PSMB7: variants seen among roughly 807,000 people sequenced by gnomAD.
The protein encoded by PSMB7 is proteasome subunit beta type-7.
PSMB7 carries 5 observed loss-of-function variants against 28.1 expected under a neutral mutation model. The observed-to-expected ratio is 0.18, with a 90% CI of 0.09 to 0.37. The LOEUF is 0.37. PSMB7 is among the 10% of genes least tolerant of loss of function. The pLI, the probability that PSMB7 is intolerant of heterozygous loss-of-function variation, is 1.00. For synonymous variants in PSMB7, 122 were observed against 123.7 expected (o/e 0.99, Z 0.09); for missense variants, 275 against 346.2 (o/e 0.79, Z 1.63).
intron 5 of PSMB7, among the ~76,000 whole-genome samples, chr9:124,397,157 CCT>C (rs769102836): frequency 6.6e-6 from 1 of 152,218 alleles, no homozygotes; most frequent in Non-Finnish European, 1.5e-5. Context: ...GTTCAAGTAA[CCT>C]CTCTGAGCCT....
At chr9:124,367,450 G>A (rs1213405112) in intron 6 of PSMB7, among the ~76,000 whole-genome samples, 3 of 152,044 alleles carry the variant, frequency 2.0e-5, no homozygotes, top group Admixed American at 6.6e-5. Flanking sequence ...GAGACCTCCA[G>A]GCATACACAG....
chr9:124,398,410 A>C, intron 5 of PSMB7: 2 of 288,370 alleles, frequency 6.9e-6, no homozygotes, highest in East Asian at 1.5e-4. Flanking sequence ...ACAGAGACAA[A>C]GCCCAGGCGA....
intron 6 of PSMB7, among the ~76,000 whole-genome samples, chr9:124,374,882 C>G (rs978788439): frequency 4.6e-5 from 7 of 151,978 alleles, no homozygotes; most frequent in Admixed American, 1.3e-4. Context: ...TGGCTCATGC[C>G]CGTAATCCCA....
At chr9:124,361,174 C>G (rs1313908563) in intron 6 of PSMB7, among the ~76,000 whole-genome samples, 2 of 152,208 alleles carry the variant, frequency 1.3e-5, no homozygotes, top group African/African-American at 4.8e-5. Flanking sequence ...GAATATCAGT[C>G]CCCCGGGCCA....
At chr9:124,400,357 TA>T (rs1396020628) in intron 5 of PSMB7, among the ~76,000 whole-genome samples, 1 of 152,202 alleles carries the variant, frequency 6.6e-6, no homozygotes, top group African/African-American at 2.4e-5. Flanking sequence ...AGTGGGAGTA[TA>T]AACTCGTGCC....
At chr9:124,387,891 A>T (rs1215830282) in intron 5 of PSMB7, among the ~76,000 whole-genome samples, 2 of 144,950 alleles carry the variant, frequency 1.4e-5, no homozygotes, top group African/African-American at 5.0e-5. Context: ...TGGCCATTTA[A>T]AAAAAAAAAA....
intron 6 of PSMB7, among the ~76,000 whole-genome samples, chr9:124,364,565 T>C (rs1588568535): frequency 6.9e-6 from 1 of 145,954 alleles, no homozygotes; most frequent in Non-Finnish European, 1.5e-5. Context: ...TAAAGAAAAG[T>C]GAGAAATATG....
chr9:124,354,931 G>A (rs1830384680), intron 7 of PSMB7, among the ~76,000 whole-genome samples: 2 of 152,214 alleles, frequency 1.3e-5, no homozygotes, highest in South Asian at 4.1e-4. Context: ...CAGAGCTTCC[G>A]CCTTACGTGC....
At chr9:124,366,799 A>C (rs927085437) in intron 6 of PSMB7, among the ~76,000 whole-genome samples, 1 of 152,258 alleles carries the variant, frequency 6.6e-6, no homozygotes, top group Admixed American at 6.5e-5. Context: ...ACAAATACTT[A>C]CTGCTGTGTT....
intron 6 of PSMB7, among the ~76,000 whole-genome samples, chr9:124,368,960 G>A (rs946004653): frequency 6.6e-6 from 1 of 152,118 alleles, no homozygotes; most frequent in Non-Finnish European, 1.5e-5. Context: ...CATTCTTACC[G>A]CTCTATCCCC....
intron 6 of PSMB7, among the ~76,000 whole-genome samples, chr9:124,378,980 A>C (rs1164205729): frequency 6.6e-6 from 1 of 152,316 alleles, no homozygotes; most frequent in Admixed American, 6.5e-5. Context: ...TTCTTATACC[A>C]GCCTTAACAA....
chr9:124,405,857 A>AT (rs1055396640), intron 4 of PSMB7, among the ~76,000 whole-genome samples: 156 of 150,458 alleles, frequency 1.0e-3, no homozygotes, highest in African/African-American at 2.2e-3. Flanking sequence ...TAATTTTTGT[A>AT]TTTTTTTTTG....
At chr9:124,391,858 C>A (rs1830791444) in intron 5 of PSMB7, among the ~76,000 whole-genome samples, 1 of 152,132 alleles carries the variant, frequency 6.6e-6, no homozygotes, top group Non-Finnish European at 1.5e-5. Context: ...TCAGAGTTCA[C>A]TAAAATACTC....
At chr9:124,357,397 C>T (rs531774382) in intron 6 of PSMB7, among the ~76,000 whole-genome samples, 64 of 152,282 alleles carry the variant, frequency 4.2e-4, no homozygotes, top group African/African-American at 1.4e-3. Context: ...TACTAACTAT[C>T]CCCTGATCAA....
At chr9:124,393,540 A>G (rs1274383030) in intron 5 of PSMB7, among the ~76,000 whole-genome samples, 1 of 152,262 alleles carries the variant, frequency 6.6e-6, no homozygotes, top group Non-Finnish European at 1.5e-5. Context: ...TTTGCTAAAA[A>G]TATTTGTAAG....
intron 5 of PSMB7, among the ~76,000 whole-genome samples, chr9:124,400,220 G>A (rs1254671795): frequency 6.6e-6 from 1 of 152,174 alleles, no homozygotes; most frequent in Admixed American, 6.5e-5. Flanking sequence ...GGGGTAAGGG[G>A]TGCATTGCAA....
At chr9:124,377,740 C>A (rs1268683678) in intron 6 of PSMB7, among the ~76,000 whole-genome samples, 1 of 152,196 alleles carries the variant, frequency 6.6e-6, no homozygotes, top group Non-Finnish European at 1.5e-5. Flanking sequence ...AGATATGACT[C>A]CATAAATCAG....
intron 6 of PSMB7, among the ~76,000 whole-genome samples, chr9:124,378,267 C>A (rs1034889252): frequency 6.6e-6 from 1 of 152,188 alleles, no homozygotes; most frequent in Non-Finnish European, 1.5e-5. Context: ...AAATGCATAA[C>A]AGAATGAAAA....
chr9:124,380,011 G>C (rs543155084), intron 6 of PSMB7, among the ~76,000 whole-genome samples: 1 of 152,332 alleles, frequency 6.6e-6, no homozygotes, highest in Non-Finnish European at 1.5e-5. Flanking sequence ...TGGCATGGAG[G>C]AGATGCCTCT....
Sources: gnomAD v4.1 joint callset for allele counts (sites outside exome capture counted in the v4.1 genomes callset) on GRCh38, gnomAD v4.1.1 for gene constraint, MANE v1.5 for transcripts, NCBI Gene and HGNC (gene_info 2026-07-23, HGNC 2026-07-21) for gene names.